Variants in KAZN observed in about 807,000 individuals in gnomAD.
KAZN encodes kazrin.
In KAZN, 40 loss-of-function variants were observed where a neutral mutation model predicts 87.4. The ratio of observed to expected loss-of-function variants is 0.46; its 90% CI spans 0.36 to 0.60. The LOEUF is 0.60. Among genes scored for constraint, KAZN ranks in the 20% least tolerant of loss-of-function variants. The pLI, the probability that KAZN is intolerant of heterozygous loss-of-function variation, is 0.00. For missense variants in KAZN, 898 were observed against 1,073.9 expected (o/e 0.84, Z 2.29); for synonymous variants, 466 against 458.3 (o/e 1.02, Z -0.22).
chr1:14,041,525 A>G (rs1318364980), intron 1 of KAZN, among the ~76,000 whole-genome samples: 1 of 152,106 alleles, frequency 6.6e-6, no homozygotes, highest in Non-Finnish European at 1.5e-5. Context: ...CAGATAACCT[A>G]CCAGTTTTAT....
rs1194776414 is a variant in KAZN, at chr1:14,734,209, C to CGG, written c.226+134986_226+134987insGG. Reference sequence around the variant, plus strand: ...CTAACTCAGTGTTTCTCAAACTGTACAGTGCGCCTGAAGCACTCCGGGATC... The same window carrying CGG: ...CTAACTCAGTGTTTCTCAAACTGTACGGAGTGCGCCTGAAGCACTCCGGGATC... On this transcript the variant is annotated intron_variant, in intron 1 of 14. Transcript: ENST00000376030. Among the ~76,000 whole-genome samples the CGG allele has an allele frequency of 2.6e-5, 4 of 152,256 alleles. No homozygotes were observed. In the East Asian group the frequency reaches 7.7e-4, roughly 29 times the overall value.
chr1:14,878,437 TC>T (rs1243264518), intron 1 of KAZN, among the ~76,000 whole-genome samples: 1 of 151,324 alleles, frequency 6.6e-6, no homozygotes, highest in Non-Finnish European at 1.5e-5. Flanking sequence ...GGTACCAAAA[TC>T]CCCCCTACCC....
rs140350321 is a variant in KAZN at position 14,180,085 on chromosome 1, A to G, written c.92-350A>G. Reference sequence around the variant, plus strand: ...CCCCGTTAATTTCTGCAGTTTATAAACACTTACCACAAAGTCATATTCATG... The same window carrying G: ...CCCCGTTAATTTCTGCAGTTTATAAGCACTTACCACAAAGTCATATTCATG... On this transcript the variant is annotated intron_variant, in intron 1 of 16. Transcript: ENST00000636203. 3.8e-3 allele frequency among the ~76,000 whole-genome samples: 579 copies of G among 152,174 alleles called. 5 individuals carry two copies. Among genetic ancestry groups the G allele is most frequent in the African/African-American group, 0.013 (546 of 41,526 alleles).
intron 2 of KAZN, among the ~76,000 whole-genome samples, chr1:14,276,014 G>A (rs1338910951): frequency 6.6e-6 from 1 of 152,116 alleles, no homozygotes; most frequent in Non-Finnish European, 1.5e-5. Flanking sequence ...AGGCAAATGA[G>A]ATTTTGCCAA....
At chr1:14,157,043 G>A (rs984895350) in intron 1 of KAZN, among the ~76,000 whole-genome samples, 1 of 151,636 alleles carries the variant, frequency 6.6e-6, no homozygotes, top group Non-Finnish European at 1.5e-5. Context: ...AGACTTGCAA[G>A]TACTATCTTA....
At chr1:14,468,767 T>C (rs1668295563) in intron 2 of KAZN, among the ~76,000 whole-genome samples, 1 of 152,192 alleles carries the variant, frequency 6.6e-6, no homozygotes, top group Non-Finnish European at 1.5e-5. Flanking sequence ...TTGGTGGTGG[T>C]TTGTGTAAGC....
intron 2 of KAZN, among the ~76,000 whole-genome samples, chr1:14,989,640 C>A (rs1021733997): frequency 3.0e-4 from 45 of 152,308 alleles, no homozygotes; most frequent in African/African-American, 1.0e-3. Flanking sequence ...AGCTACTCAG[C>A]CCCTCTGTGA....
intron 2 of KAZN, among the ~76,000 whole-genome samples, chr1:14,222,689 G>T (rs958802191): frequency 1.3e-5 from 2 of 152,124 alleles, no homozygotes; most frequent in African/African-American, 2.4e-5. Context: ...GGAAATTTTG[G>T]CATTTGGGGA....
intron 2 of KAZN, among the ~76,000 whole-genome samples, chr1:14,294,673 A>T (rs1248951418): frequency 7.0e-6 from 1 of 142,318 alleles, no homozygotes; most frequent in African/African-American, 2.5e-5. Flanking sequence ...GGTTTTTGCC[A>T]GGGAAACTGC....
chr1:14,553,726 G>A (rs1014873923), intron 2 of KAZN, among the ~76,000 whole-genome samples: 4 of 152,144 alleles, frequency 2.6e-5, no homozygotes, highest in Non-Finnish European at 5.9e-5. Flanking sequence ...CATGTGGAAC[G>A]ATGGGGCTTA....
chr1:14,867,179 G>C (rs1336215239), intron 1 of KAZN, among the ~76,000 whole-genome samples: 2 of 152,192 alleles, frequency 1.3e-5, no homozygotes, highest in Non-Finnish European at 1.5e-5. Flanking sequence ...CACGTTCAGG[G>C]CCCTGTGATC....
chr1:14,256,935 T>C (rs2100636468), intron 2 of KAZN, among the ~76,000 whole-genome samples: 1 of 152,314 alleles, frequency 6.6e-6, no homozygotes, highest in Middle Eastern at 3.4e-3. Flanking sequence ...CTCCCACTCC[T>C]GCCCCAAATG....
intron 2 of KAZN, among the ~76,000 whole-genome samples, chr1:14,284,543 T>C (rs1419815600): frequency 6.6e-6 from 1 of 152,188 alleles, no homozygotes; most frequent in Non-Finnish European, 1.5e-5. Context: ...GGAAAGATTC[T>C]GTTGGACTTT....
chr1:13,923,588 A>AAGAAAAG (rs1553174049), intron 1 of KAZN, among the ~76,000 whole-genome samples: 1 of 139,884 alleles, frequency 7.1e-6, no homozygotes, highest in Non-Finnish European at 1.5e-5. Flanking sequence ...AAAAAAAAAA[A>AAGAAAAG]AAAATATAAT....
intron 1 of KAZN, among the ~76,000 whole-genome samples, chr1:13,933,087 C>T (rs540187907): frequency 6.6e-6 from 1 of 152,134 alleles, no homozygotes; most frequent in Non-Finnish European, 1.5e-5. Flanking sequence ...TTGTACATGA[C>T]TATCACGTAA....
intron 2 of KAZN, among the ~76,000 whole-genome samples, chr1:14,481,495 A>T (rs1315262830): frequency 2.0e-5 from 3 of 152,186 alleles, no homozygotes; most frequent in Non-Finnish European, 4.4e-5. Flanking sequence ...CTATCTCCTG[A>T]ACCTCAGAGG....
chr1:14,816,216 A>G (rs1646559113), intron 1 of KAZN, among the ~76,000 whole-genome samples: 1 of 151,920 alleles, frequency 6.6e-6, no homozygotes, highest in Non-Finnish European at 1.5e-5. Flanking sequence ...ATCACTACAC[A>G]CTTGGTGGCC....
chr1:14,570,390 T>C (rs900608028), intron 2 of KAZN, among the ~76,000 whole-genome samples: 5 of 152,196 alleles, frequency 3.3e-5, no homozygotes, highest in Non-Finnish European at 7.3e-5. Context: ...TTTACCCTCC[T>C]CCTCCTCCCA....
chr1:14,668,940 T>G (rs1158183369), intron 1 of KAZN, among the ~76,000 whole-genome samples: 1 of 152,216 alleles, frequency 6.6e-6, no homozygotes, highest in African/African-American at 2.4e-5. Context: ...GTACATAGAA[T>G]AGAAACCATG....
Sources: gnomAD v4.1 joint callset for allele counts (sites outside exome capture counted in the v4.1 genomes callset) on GRCh38, gnomAD v4.1.1 for gene constraint, MANE v1.5 for transcripts, NCBI Gene and HGNC (gene_info 2026-07-23, HGNC 2026-07-21) for gene names.